UBE2R2: variants seen among roughly 807,000 people sequenced by gnomAD.
UBE2R2 encodes the protein ubiquitin-conjugating enzyme E2 R2.
A neutral mutation model predicts 27.8 loss-of-function variants in UBE2R2; 1 was observed. That is an observed-to-expected ratio of 0.04 (90% confidence interval 0.01 to 0.17). UBE2R2 has a LOEUF of 0.17. UBE2R2 is among the 10% of genes least tolerant of loss of function. The pLI, the probability that UBE2R2 is intolerant of heterozygous loss-of-function variation, is 1.00. For synonymous variants in UBE2R2, 106 were observed against 113.3 expected (o/e 0.94, Z 0.41); for missense variants, 100 against 291.0 (o/e 0.34, Z 4.78).
At chr9:33,831,896 G>A (rs2130726892) in intron 1 of UBE2R2, among the ~76,000 whole-genome samples, 1 of 151,708 alleles carries the variant, frequency 6.6e-6, no homozygotes, top group East Asian at 2.0e-4. Flanking sequence ...CCCGAACTCA[G>A]GTGATCTGCC....
chr9:33,900,083 T>C, intron 2 of UBE2R2, 91 bp from the exon 3 acceptor site: 1 of 908,440 alleles, frequency 1.1e-6, no homozygotes. Context: ...GAAGAAACAG[T>C]TTCTAGGAAT....
chr9:33,910,964 G>A (rs190912512), intron 3 of UBE2R2, among the ~76,000 whole-genome samples: 89 of 152,160 alleles, frequency 5.8e-4, no homozygotes, highest in Admixed American at 1.9e-3. Context: ...TTAGCCAGGC[G>A]TGGTAGTACA....
intron 3 of UBE2R2, among the ~76,000 whole-genome samples, chr9:33,906,373 C>T (rs543494240): frequency 2.0e-5 from 3 of 152,242 alleles, no homozygotes; most frequent in East Asian, 3.9e-4. Flanking sequence ...CCGCCCACCT[C>T]GGCCTCCCAA....
At chr9:33,862,304 G>A (rs1821258022) in intron 1 of UBE2R2, among the ~76,000 whole-genome samples, 1 of 152,086 alleles carries the variant, frequency 6.6e-6, no homozygotes, top group African/African-American at 2.4e-5. Context: ...ATATCTGGTA[G>A]TTTAACCCCA....
chr9:33,859,123 CG>C (rs1160969831), intron 1 of UBE2R2, among the ~76,000 whole-genome samples: 2 of 151,988 alleles, frequency 1.3e-5, no homozygotes, highest in Non-Finnish European at 2.9e-5. Flanking sequence ...CATGTCCGGC[CG>C]GAAGAGTTCA....
At chr9:33,886,586 T>G (rs1587469355) in intron 1 of UBE2R2, among the ~76,000 whole-genome samples, 1 of 139,918 alleles carries the variant, frequency 7.1e-6, no homozygotes, top group Admixed American at 8.1e-5. Flanking sequence ...ACCTGGGAGG[T>G]GGAGGTTGCA....
chr9:33,918,442 T>C lies in UBE2R2; in HGVS notation c.*1205T>C, dbSNP rs1034283930. ...AGGCTGTGGAGTGCAAGCAGAATTA[T>C]GCATAGAAATTGTGGCAGGGCTGAG... On this transcript the variant is annotated 3_prime_UTR_variant, in exon 5 of 5. Coordinates refer to ENST00000263228, the MANE Select transcript of UBE2R2 (RefSeq NM_017811.4). 1 of 151,950 alleles carries C rather than the reference T, an allele frequency of 6.6e-6. No individual in the cohort carries two copies. The highest frequency in any genetic ancestry group is 1.5e-5 in the Non-Finnish European group (1 of 68,016). 9.4% of individuals were successfully genotyped at this position (151,950 alleles called of 1,614,324 possible). A position where few individuals can be genotyped will look rare whatever the true frequency, so the allele number is the denominator to read the frequency against.
intron 1 of UBE2R2, among the ~76,000 whole-genome samples, chr9:33,881,281 A>G (rs772179721): frequency 3.3e-5 from 5 of 152,164 alleles, no homozygotes; most frequent in African/African-American, 4.8e-5. Flanking sequence ...TTTAGATTTC[A>G]CCAGTTTCTG....
intron 1 of UBE2R2, 49 bp downstream of exon 1, chr9:33,817,983 G>A (rs1053742516): frequency 3.9e-6 from 6 of 1,555,778 alleles, no homozygotes; most frequent in Non-Finnish European, 5.2e-6. Context: ...GAGGCCTCCG[G>A]CTCCCCGCCG....
At chr9:33,908,674 T>C (rs1211717724) in intron 3 of UBE2R2, among the ~76,000 whole-genome samples, 1 of 152,208 alleles carries the variant, frequency 6.6e-6, no homozygotes, top group Non-Finnish European at 1.5e-5. Context: ...TAAAAATTTG[T>C]TTCCCAATAT....
chr9:33,895,072 C>T (rs963266504), intron 2 of UBE2R2, among the ~76,000 whole-genome samples: 1 of 152,164 alleles, frequency 6.6e-6, no homozygotes, highest in Non-Finnish European at 1.5e-5. Context: ...ACATATTAAA[C>T]CTTTATCAGA....
At chr9:33,861,240 G>C (rs1382007868) in intron 1 of UBE2R2, among the ~76,000 whole-genome samples, 1 of 150,394 alleles carries the variant, frequency 6.6e-6, no homozygotes, top group Admixed American at 6.6e-5. Context: ...GATTACAGGC[G>C]TGAGCCACTG....
chr9:33,859,931 C>G (rs1246758937), intron 1 of UBE2R2, among the ~76,000 whole-genome samples: 1 of 151,860 alleles, frequency 6.6e-6, no homozygotes, highest in Non-Finnish European at 1.5e-5. Context: ...CTCACCTTCC[C>G]AAGTAGCTGA....
chr9:33,860,182 A>T (rs1402633372), intron 1 of UBE2R2, among the ~76,000 whole-genome samples: 1 of 151,270 alleles, frequency 6.6e-6, no homozygotes, highest in Non-Finnish European at 1.5e-5. Flanking sequence ...AGTTCTTTTG[A>T]TTGGGAAGAA....
intron 1 of UBE2R2, among the ~76,000 whole-genome samples, chr9:33,835,864 C>T (rs894884668): frequency 3.3e-5 from 5 of 152,144 alleles, no homozygotes; most frequent in Non-Finnish European, 7.4e-5. Context: ...GCCTGGGCAA[C>T]GGAGTGAGAC....
chr9:33,845,760 C>A (rs921778978), intron 1 of UBE2R2, among the ~76,000 whole-genome samples: 13 of 152,040 alleles, frequency 8.6e-5, no homozygotes, highest in African/African-American at 2.9e-4. Flanking sequence ...GTAATCCCAG[C>A]ACTTTGGGAG....
intron 1 of UBE2R2, among the ~76,000 whole-genome samples, chr9:33,829,823 T>G (rs1361290846): frequency 6.7e-6 from 1 of 150,342 alleles, no homozygotes; most frequent in Non-Finnish European, 1.5e-5. Flanking sequence ...TTTAAACAGT[T>G]TCGCTCTAGT....
chr9:33,840,114 TAGC>T (rs1231401960), intron 1 of UBE2R2, among the ~76,000 whole-genome samples: 7 of 152,230 alleles, frequency 4.6e-5, no homozygotes, highest in Non-Finnish European at 1.0e-4. Flanking sequence ...TATGTAAAAT[TAGC>T]AGAAAACGTC....
chr9:33,912,623 C>CAAAAAAAAAAAAA (rs1219104785), intron 4 of UBE2R2, among the ~76,000 whole-genome samples: 1 of 122,894 alleles, frequency 8.1e-6, no homozygotes. Flanking sequence ...GACTCCATCT[C>CAAAAAAAAAAAAA]AAAAAAAAAA....
Sources: gnomAD v4.1 joint callset for allele counts (sites outside exome capture counted in the v4.1 genomes callset) on GRCh38, gnomAD v4.1.1 for gene constraint, MANE v1.5 for transcripts, NCBI Gene and HGNC (gene_info 2026-07-23, HGNC 2026-07-21) for gene names.